The following PCDHA8 variants were observed in gnomAD, a reference collection of about 807,000 sequenced individuals.
PCDHA8 encodes protocadherin alpha-8.
Under a neutral mutation model 61.8 loss-of-function variants are expected in PCDHA8, and 53 were observed. That is an observed-to-expected ratio of 0.86 (90% confidence interval 0.69 to 1.08). The LOEUF (loss-of-function observed/expected upper bound fraction) is 1.08, where lower values mean the gene tolerates loss of function less well. Among genes scored for constraint, PCDHA8 ranks in the 50% least tolerant of loss-of-function variants. The pLI, the probability that PCDHA8 is intolerant of heterozygous loss-of-function variation, is 0.00. For synonymous variants in PCDHA8, 618 were observed against 556.6 expected (o/e 1.11, Z -1.55); for missense variants, 1,293 against 1,245.0 (o/e 1.04, Z -0.58).
intron 1 of PCDHA8, among the ~76,000 whole-genome samples, chr5:140,891,452 T>C (rs1554184844): frequency 6.7e-6 from 1 of 150,254 alleles, no homozygotes; most frequent in African/African-American, 2.4e-5. Flanking sequence ...ATAGGATTTT[T>C]GAATTTGTGA....
rs1002607780 is a variant in PCDHA8 at position 141,011,898 on chromosome 5, T to G, written c.*1961T>G. 1.8e-4 allele frequency: 27 copies of G among 148,586 alleles called. 1 individual carries two copies. Among genetic ancestry groups the G allele is most frequent in the Admixed American group, 1.5e-3 (23 of 15,026 alleles). The allele number at this position is 148,586 out of a possible 1,614,324, so 9.2% of individuals were successfully genotyped here. On this transcript the variant is annotated 3_prime_UTR_variant, in exon 4 of 4. Coordinates refer to ENST00000531613, the MANE Select transcript of PCDHA8 (RefSeq NM_018911.3). ...TAGAAGTTTGATTAATTATATTATC[T>G]ATTTAGGCATTAATATAAAAGAGGT...
intron 2 of PCDHA8, among the ~76,000 whole-genome samples, chr5:140,982,129 A>G (rs2153827592): frequency 6.6e-6 from 1 of 152,376 alleles, no homozygotes; most frequent in East Asian, 1.9e-4. Context: ...TTTGAGAACA[A>G]GCCCTCCTCA....
intron 2 of PCDHA8, among the ~76,000 whole-genome samples, chr5:140,979,718 TGCCATGGG>T (rs1430155366): frequency 1.3e-5 from 2 of 152,270 alleles, no homozygotes; most frequent in Non-Finnish European, 2.9e-5. Context: ...CCAGTATCCA[TGCCATGGG>T]GCCAAATAAA....
chr5:140,857,567 G>A, intron 1 of PCDHA8: 1 of 1,596,986 alleles, frequency 6.3e-7, no homozygotes, highest in South Asian at 1.1e-5. Flanking sequence ...GTCGAGCTAC[G>A]TGTCGGTGCA....
chr5:140,858,273 C>G, intron 1 of PCDHA8: 1 of 1,596,972 alleles, frequency 6.3e-7, no homozygotes, highest in Non-Finnish European at 8.6e-7. Context: ...TGCTCTAGCG[C>G]GGTGGGGAGC....
At chr5:140,874,372 A>C (rs1055265865) in intron 1 of PCDHA8, among the ~76,000 whole-genome samples, 1 of 152,362 alleles carries the variant, frequency 6.6e-6, no homozygotes, top group South Asian at 2.1e-4. Context: ...TAAACTCATG[A>C]AAGGTCTTTT....
At chr5:140,900,557 G>A (rs1006880033) in intron 1 of PCDHA8, among the ~76,000 whole-genome samples, 1 of 152,160 alleles carries the variant, frequency 6.6e-6, no homozygotes, top group African/African-American at 2.4e-5. Context: ...GATTACAGGC[G>A]TGAGCCACGG....
intron 1 of PCDHA8, among the ~76,000 whole-genome samples, chr5:140,965,377 A>G (rs1479954226): frequency 6.6e-6 from 1 of 152,190 alleles, no homozygotes; most frequent in Non-Finnish European, 1.5e-5. Flanking sequence ...AAACTTGGGG[A>G]CACAGAAGAA....
intron 1 of PCDHA8, among the ~76,000 whole-genome samples, chr5:140,948,438 G>A (rs2094254732): frequency 6.6e-6 from 1 of 151,474 alleles, no homozygotes; most frequent in South Asian, 2.1e-4. Context: ...GAAACATTCT[G>A]TGCCAGGGAT....
intron 1 of PCDHA8, among the ~76,000 whole-genome samples, chr5:140,945,003 C>A (rs2093723763): frequency 6.6e-6 from 1 of 152,064 alleles, no homozygotes; most frequent in South Asian, 2.1e-4. Flanking sequence ...GGTTGTGGGT[C>A]ATGAATTATT....
chr5:140,910,661 A>G (rs1289499574), intron 1 of PCDHA8, among the ~76,000 whole-genome samples: 1 of 152,186 alleles, frequency 6.6e-6, no homozygotes, highest in Non-Finnish European at 1.5e-5. Context: ...CTTCCTCTAC[A>G]TTAAACCAAG....
intron 3 of PCDHA8, among the ~76,000 whole-genome samples, chr5:140,988,678 T>G (rs190740461): frequency 6.6e-6 from 1 of 152,314 alleles, no homozygotes. Context: ...CTAAGATAAT[T>G]CTTTCCCTAG....
At chr5:140,856,778 C>T (rs782280474) in intron 1 of PCDHA8, 2 of 1,596,260 alleles carry the variant, frequency 1.3e-6, no homozygotes, top group Admixed American at 3.4e-5. Context: ...CTTTGACAGA[C>T]CGGTTTATGA....
chr5:140,924,907 A>AAT (rs1554202344), intron 1 of PCDHA8, among the ~76,000 whole-genome samples: 14 of 50,940 alleles, frequency 2.7e-4, no homozygotes, highest in African/African-American at 6.9e-4. Context: ...AAAAAAAAAT[A>AAT]AAATAAAATA....
chr5:140,976,244 A>G (rs996854178), intron 1 of PCDHA8, among the ~76,000 whole-genome samples: 1 of 152,160 alleles, frequency 6.6e-6, no homozygotes, highest in Non-Finnish European at 1.5e-5. Context: ...CATTTCATGT[A>G]AATTTATTTA....
Position 140,842,470 on chromosome 5 carries a change from G to T in PCDHA8, c.1149G>T (p.Gly383=), listed in dbSNP as rs2150336906. 2.9e-5 allele frequency: 47 copies of T among 1,613,802 alleles called. 1 individual carries two copies. Among genetic ancestry groups the T allele is most frequent in the South Asian group, 2.4e-4 (22 of 91,082 alleles). ...SVNDLDSGAN[G]QVTCSLMPHV... ...ACGACCTCGATTCAGGTGCCAACGG[G>T]CAGGTGACCTGCTCCCTGATGCCCC... is the stretch of plus-strand genomic sequence containing the variant. Residue 383 remains glycine (G), a synonymous_variant, in exon 1 of 4, where the codon GGG becomes GGT. Transcript: ENST00000531613.
chr5:141,000,361 G>GTCTC (rs148596731), intron 3 of PCDHA8, among the ~76,000 whole-genome samples: 446 of 26,454 alleles, frequency 0.017, 11 homozygotes, highest in Non-Finnish European at 0.022. Flanking sequence ...GTCTCTCTCT[G>GTCTC]TCTCTCTCTC....
chr5:141,008,800 A>G (rs949324548), intron 3 of PCDHA8, among the ~76,000 whole-genome samples: 8 of 152,222 alleles, frequency 5.3e-5, no homozygotes, highest in Non-Finnish European at 1.2e-4. Flanking sequence ...TTATCTAAAC[A>G]AATAGGCTCA....
chr5:140,856,185 G>C, intron 1 of PCDHA8: 1 of 1,598,160 alleles, frequency 6.3e-7, no homozygotes. Context: ...TTCGTGGGCC[G>C]CATCGCGCAG....
Sources: allele counts gnomAD v4.1 joint callset (sites outside exome capture counted in the v4.1 genomes callset), GRCh38; gene constraint gnomAD v4.1.1; transcripts MANE v1.5; gene names NCBI Gene and HGNC (gene_info 2026-07-23, HGNC 2026-07-21).